The following HS6ST3 variants were observed in gnomAD, a reference collection of about 807,000 sequenced individuals.
HS6ST3 encodes heparan-sulfate 6-O-sulfotransferase 3.
In HS6ST3, 12 loss-of-function variants were observed where a neutral mutation model predicts 36.7. The observed-to-expected ratio is 0.33, with a 90% CI of 0.21 to 0.53. The LOEUF is 0.53. HS6ST3 is among the 20% of genes least tolerant of loss of function. The pLI, the probability that HS6ST3 is intolerant of heterozygous loss-of-function variation, is 0.95. For missense variants in HS6ST3, 584 were observed against 640.9 expected (o/e 0.91, Z 0.96); for synonymous variants, 240 against 257.5 (o/e 0.93, Z 0.65).
chr13:96,545,257 T>A (rs187306308), intron 1 of HS6ST3, among the ~76,000 whole-genome samples: 1 of 152,318 alleles, frequency 6.6e-6, no homozygotes, highest in Non-Finnish European at 1.5e-5. Flanking sequence ...ATTGTGCTCA[T>A]GTTATCCCCA....
intron 1 of HS6ST3, among the ~76,000 whole-genome samples, chr13:96,381,932 G>A (rs2055343489): frequency 6.6e-6 from 1 of 152,120 alleles, no homozygotes; most frequent in African/African-American, 2.4e-5. Flanking sequence ...GCCCATGCAG[G>A]GTTGTCACAC....
rs181082712 is a variant in HS6ST3 at position 96,457,748 on chromosome 13, T to C, written c.707+366179T>C. Among the ~76,000 whole-genome samples, 3 of 152,264 alleles carry C rather than the reference T, an allele frequency of 2.0e-5. No individual in the cohort carries two copies. In the East Asian group the frequency reaches 5.8e-4, roughly 29 times the overall value. The stretch of plus-strand genomic sequence containing the variant: ...TATCAAGGAGAAGTGGCTGTGTTAA[T>C]TTAGACCTGGAAATCTCATCATTAG... On this transcript the variant is annotated intron_variant, in intron 1 of 1. Transcript: ENST00000376705.
intron 1 of HS6ST3, among the ~76,000 whole-genome samples, chr13:96,655,092 AC>A (rs534414226): frequency 9.7e-4 from 148 of 152,232 alleles, no homozygotes; most frequent in Admixed American, 1.8e-3. Context: ...GAAAAAGATC[AC>A]CTGAGCCCTT....
At chr13:96,799,180 T>G (rs975144690) in intron 1 of HS6ST3, among the ~76,000 whole-genome samples, 1 of 152,114 alleles carries the variant, frequency 6.6e-6, no homozygotes, top group Non-Finnish European at 1.5e-5. Flanking sequence ...CCTGAGGAAT[T>G]GCCACACTGA....
intron 1 of HS6ST3, among the ~76,000 whole-genome samples, chr13:96,621,101 G>A (rs539647193): frequency 1.3e-5 from 2 of 152,320 alleles, no homozygotes; most frequent in East Asian, 3.9e-4. Context: ...CTGTCTAGAA[G>A]TGCAAGTGCA....
chr13:96,522,801 C>T (rs886549027), intron 1 of HS6ST3, among the ~76,000 whole-genome samples: 1 of 151,964 alleles, frequency 6.6e-6, no homozygotes, highest in Admixed American at 6.6e-5. Flanking sequence ...ACCAATGGGT[C>T]TTGACTCTTT....
intron 1 of HS6ST3, among the ~76,000 whole-genome samples, chr13:96,815,210 C>G (rs767286622): frequency 9.2e-5 from 14 of 152,182 alleles, no homozygotes; most frequent in Non-Finnish European, 1.3e-4. Flanking sequence ...TCTCTTTCGT[C>G]TGGAAGTCTC....
intron 1 of HS6ST3, among the ~76,000 whole-genome samples, chr13:96,532,686 A>T (rs1420072245): frequency 6.6e-6 from 1 of 152,190 alleles, no homozygotes; most frequent in Non-Finnish European, 1.5e-5. Flanking sequence ...AGTACTAGGA[A>T]CCTGGTTGTC....
At chr13:96,585,812 A>C (rs1409358431) in intron 1 of HS6ST3, among the ~76,000 whole-genome samples, 1 of 152,210 alleles carries the variant, frequency 6.6e-6, no homozygotes, top group Non-Finnish European at 1.5e-5. Flanking sequence ...CTAGTGTTCC[A>C]CTGTGTATAT....
chr13:96,496,694 C>A (rs142743741), intron 1 of HS6ST3, among the ~76,000 whole-genome samples: 1 of 152,170 alleles, frequency 6.6e-6, no homozygotes, highest in Non-Finnish European at 1.5e-5. Context: ...AGAAAATGCA[C>A]AGCTTAGCTG....
At chr13:96,274,656 C>G (rs1237775964) in intron 1 of HS6ST3, among the ~76,000 whole-genome samples, 1 of 151,996 alleles carries the variant, frequency 6.6e-6, no homozygotes, top group Non-Finnish European at 1.5e-5. Context: ...GTTGTGGGGA[C>G]AAGGGACTAA....
chr13:96,691,343 C>T (rs2138445315), intron 1 of HS6ST3, among the ~76,000 whole-genome samples: 1 of 152,176 alleles, frequency 6.6e-6, no homozygotes, highest in East Asian at 1.9e-4. Context: ...CTCATTTGAA[C>T]TCCATAGTCT....
At chr13:96,582,770 A>C (rs1444805222) in intron 1 of HS6ST3, among the ~76,000 whole-genome samples, 1 of 152,154 alleles carries the variant, frequency 6.6e-6, no homozygotes, top group Non-Finnish European at 1.5e-5. Flanking sequence ...CATTTTCCAA[A>C]TATGTTCCAT....
At chr13:96,296,818 C>T (rs1339812418) in intron 1 of HS6ST3, among the ~76,000 whole-genome samples, 1 of 152,044 alleles carries the variant, frequency 6.6e-6, no homozygotes, top group Non-Finnish European at 1.5e-5. Flanking sequence ...ACATTTCCAC[C>T]AATTTTGCTA....
chr13:96,511,078 T>C (rs1331462551), intron 1 of HS6ST3, among the ~76,000 whole-genome samples: 1 of 152,176 alleles, frequency 6.6e-6, no homozygotes, highest in Non-Finnish European at 1.5e-5. Context: ...GTAGTCTAGA[T>C]GTAAGTTGGG....
intron 1 of HS6ST3, among the ~76,000 whole-genome samples, chr13:96,639,781 A>G (rs2056563617): frequency 6.6e-6 from 1 of 151,972 alleles, no homozygotes; most frequent in Non-Finnish European, 1.5e-5. Context: ...ACTCTCTATT[A>G]TAAATGAGAA....
chr13:96,181,618 C>A (rs1407750238), intron 1 of HS6ST3, among the ~76,000 whole-genome samples: 1 of 152,016 alleles, frequency 6.6e-6, no homozygotes, highest in Non-Finnish European at 1.5e-5. Context: ...CTTAGAGGTG[C>A]GCAGGAGGCA....
chr13:96,234,454 AG>A (rs1177342109), intron 1 of HS6ST3, among the ~76,000 whole-genome samples: 1 of 152,188 alleles, frequency 6.6e-6, no homozygotes, highest in East Asian at 1.9e-4. Flanking sequence ...CTGCTAATAA[AG>A]ACATACCCAA....
chr13:96,768,887 TCTC>T lies in HS6ST3; in HGVS notation c.708-63600_708-63598del, dbSNP rs960128969. Among the ~76,000 whole-genome samples, 26 of 151,912 alleles carry T rather than the reference TCTC, an allele frequency of 1.7e-4. 1 individual carries two copies. The highest frequency in any genetic ancestry group is 5.8e-4 in the African/African-American group (24 of 41,356). On this transcript the variant is annotated intron_variant, in intron 1 of 1. Coordinates refer to ENST00000376705, the MANE Select transcript of HS6ST3 (RefSeq NM_153456.4). ...CAGAAACTTTACCAAGGAGAAAACA[TCTC>T]CTGCACAGTTTGTAAACAAAGATTC...
Sources: allele counts gnomAD v4.1 joint callset (sites outside exome capture counted in the v4.1 genomes callset), GRCh38; gene constraint gnomAD v4.1.1; transcripts MANE v1.5; gene names NCBI Gene and HGNC (gene_info 2026-07-23, HGNC 2026-07-21).